Variants in PDE4D observed in about 807,000 individuals in gnomAD.
PDE4D encodes 3',5'-cyclic-AMP phosphodiesterase 4D.
In PDE4D, 24 loss-of-function variants were observed where a neutral mutation model predicts 87.4. The ratio of observed to expected loss-of-function variants is 0.27; its 90% CI spans 0.20 to 0.39. PDE4D has a LOEUF of 0.39. Among genes scored for constraint, PDE4D ranks in the 10% least tolerant of loss-of-function variants. The pLI is 1.00. For missense variants in PDE4D, 714 were observed against 1,041.0 expected (o/e 0.69, Z 4.32); for synonymous variants, 384 against 383.2 (o/e 1.00, Z -0.02).
intron 1 of PDE4D, among the ~76,000 whole-genome samples, chr5:59,871,827 C>T (rs894912514): frequency 4.6e-5 from 7 of 152,150 alleles, no homozygotes; most frequent in Non-Finnish European, 2.9e-5. Flanking sequence ...AATTCTAGGT[C>T]CAGCTAGAAA....
chr5:59,385,928 C>A (rs1786885354), intron 1 of PDE4D, among the ~76,000 whole-genome samples: 1 of 152,154 alleles, frequency 6.6e-6, no homozygotes, highest in Non-Finnish European at 1.5e-5. Flanking sequence ...CAGCCCCACA[C>A]CTCATCCCTG....
intron 5 of PDE4D, among the ~76,000 whole-genome samples, chr5:59,151,759 C>G (rs1473239662): frequency 6.6e-6 from 1 of 151,958 alleles, no homozygotes; most frequent in African/African-American, 2.4e-5. Context: ...CAGAGTTGGA[C>G]TGGGTGATGC....
intron 1 of PDE4D, among the ~76,000 whole-genome samples, chr5:59,331,544 GA>G (rs1388245879): frequency 6.6e-6 from 1 of 152,156 alleles, no homozygotes; most frequent in Non-Finnish European, 1.5e-5. Context: ...TTCAGCATAT[GA>G]CTTTGGGTGT....
At chr5:60,164,592 G>A (rs1782730087) in intron 2 of PDE4D, among the ~76,000 whole-genome samples, 1 of 152,122 alleles carries the variant, frequency 6.6e-6, no homozygotes. Flanking sequence ...CAAATATGTT[G>A]ATTACTGAGT....
At chr5:60,231,501 T>C (rs1189733923) in intron 1 of PDE4D, among the ~76,000 whole-genome samples, 1 of 151,944 alleles carries the variant, frequency 6.6e-6, no homozygotes, top group Non-Finnish European at 1.5e-5. Flanking sequence ...TTTTCTAGCC[T>C]GGGATCCAGA....
At chr5:59,341,874 G>A (rs1429630123) in intron 1 of PDE4D, among the ~76,000 whole-genome samples, 2 of 152,220 alleles carry the variant, frequency 1.3e-5, no homozygotes, top group Non-Finnish European at 2.9e-5. Context: ...TGTGAATAAC[G>A]CTAGCTGATG....
intron 2 of PDE4D, among the ~76,000 whole-genome samples, chr5:60,181,710 A>C (rs1024476522): frequency 6.6e-6 from 1 of 152,192 alleles, no homozygotes; most frequent in African/African-American, 2.4e-5. Context: ...GAAAATTGGG[A>C]ATTTAATGCA....
At chr5:59,793,817 T>C (rs955665272) in intron 1 of PDE4D, among the ~76,000 whole-genome samples, 4 of 152,182 alleles carry the variant, frequency 2.6e-5, no homozygotes, top group African/African-American at 4.8e-5. Flanking sequence ...TTTTTCCCCT[T>C]AGGGGCTCAT....
chr5:59,704,725 T>C (rs1561508798), intron 1 of PDE4D, among the ~76,000 whole-genome samples: 1 of 152,180 alleles, frequency 6.6e-6, no homozygotes, highest in Non-Finnish European at 1.5e-5. Flanking sequence ...ATCGAGATTG[T>C]GTGGTGTCCA....
intron 1 of PDE4D, among the ~76,000 whole-genome samples, chr5:60,417,825 G>C (rs1742740954): frequency 6.6e-6 from 1 of 151,704 alleles, no homozygotes; most frequent in Admixed American, 6.6e-5. Flanking sequence ...TTTAGAGAAA[G>C]ACAAACACAT....
At position 59,231,731 on chromosome 5, in the gene PDE4D, T is replaced by G. The variant is rs556959512; in HGVS notation, c.456-15763A>C. On this transcript the variant is annotated intron_variant, in intron 1 of 14. Coordinates refer to ENST00000340635, the MANE Select transcript of PDE4D (RefSeq NM_001104631.2). ...AAATGTCTCACATTCAATCTATCTC[T>G]GGCCCAAGTGAAACCATCTATGTCT... Among the ~76,000 whole-genome samples, 17 of 152,364 alleles carry G rather than the reference T, an allele frequency of 1.1e-4. No individual in the cohort carries two copies. The South Asian group carries it at 3.1e-3, about 28-fold the overall frequency.
At chr5:59,398,039 T>G (rs1429924756) in intron 1 of PDE4D, among the ~76,000 whole-genome samples, 4 of 136,782 alleles carry the variant, frequency 2.9e-5, no homozygotes, top group Non-Finnish European at 4.7e-5. Context: ...AGGAAGAAGT[T>G]GAATCTCTGA....
chr5:58,985,161 C>T (rs1395251172), intron 11 of PDE4D, among the ~76,000 whole-genome samples: 1 of 152,114 alleles, frequency 6.6e-6, no homozygotes, highest in Non-Finnish European at 1.5e-5. Context: ...GTGATTCACC[C>T]ATCTTGACCT....
intron 1 of PDE4D, among the ~76,000 whole-genome samples, chr5:60,214,403 T>A (rs1471882230): frequency 6.6e-6 from 1 of 152,240 alleles, no homozygotes; most frequent in Non-Finnish European, 1.5e-5. Context: ...TGTGTTTACA[T>A]AACTTATAGA....
intron 1 of PDE4D, among the ~76,000 whole-genome samples, chr5:59,507,627 T>C (rs1809495066): frequency 7.3e-6 from 1 of 136,588 alleles, no homozygotes; most frequent in Non-Finnish European, 1.5e-5. Flanking sequence ...ACTATGGTAC[T>C]GTACTACAGC....
chr5:59,649,931 T>TTTTTTTTTTTTTTTTTTTTTTTTTTTC (rs1474090994), intron 1 of PDE4D, among the ~76,000 whole-genome samples: 1 of 141,262 alleles, frequency 7.1e-6, no homozygotes, highest in Non-Finnish European at 1.5e-5. Context: ...TTTTTTTTTT[T>TTTTTTTTTTTTTTTTTTTTTTTTTTTC]TAGCAATGAC....
At chr5:60,334,302 C>A (rs1234352880) in intron 1 of PDE4D, among the ~76,000 whole-genome samples, 1 of 152,196 alleles carries the variant, frequency 6.6e-6, no homozygotes. Context: ...GATTTGATAA[C>A]AACTCACCCC....
chr5:59,302,284 C>T (rs755650524), intron 1 of PDE4D, among the ~76,000 whole-genome samples: 3 of 152,276 alleles, frequency 2.0e-5, no homozygotes, highest in Admixed American at 6.5e-5. Flanking sequence ...AATGATCAAG[C>T]GGGGCACTCA....
At chr5:59,908,128 A>G (rs889189338) in intron 3 of PDE4D, among the ~76,000 whole-genome samples, 1 of 152,158 alleles carries the variant, frequency 6.6e-6, no homozygotes, top group Non-Finnish European at 1.5e-5. Flanking sequence ...ATGAAATTAA[A>G]GACTTGGTAA....
Sources: allele counts gnomAD v4.1 joint callset (sites outside exome capture counted in the v4.1 genomes callset), GRCh38; gene constraint gnomAD v4.1.1; transcripts MANE v1.5; gene names NCBI Gene and HGNC (gene_info 2026-07-23, HGNC 2026-07-21).